The following DDX1 variants were observed in gnomAD, a reference collection of about 807,000 sequenced individuals.
DDX1 encodes ATP-dependent RNA helicase DDX1.
In DDX1, 28 loss-of-function variants were observed where a neutral mutation model predicts 108.7. The observed-to-expected ratio is 0.26, with a 90% CI of 0.19 to 0.35. DDX1 has a LOEUF of 0.35. DDX1 is among the 10% of genes least tolerant of loss of function. DDX1 has a pLI of 1.00. For synonymous variants in DDX1, 295 were observed against 288.9 expected (o/e 1.02, Z -0.21); for missense variants, 710 against 884.5 (o/e 0.80, Z 2.50).
chr2:15,593,383 A>G (rs1332825205), intron 1 of DDX1, among the ~76,000 whole-genome samples: 1 of 152,302 alleles, frequency 6.6e-6, no homozygotes, highest in East Asian at 1.9e-4. Context: ...AATTTCATGA[A>G]TGTTAGAGGT....
intron 16 of DDX1, among the ~76,000 whole-genome samples, chr2:15,619,595 CCT>C (rs1384036405): frequency 1.3e-5 from 2 of 152,172 alleles, no homozygotes; most frequent in Non-Finnish European, 2.9e-5. Context: ...TGTTTGGTCC[CCT>C]CTCATTAAAT....
chr2:15,607,437 A>T (rs1376088690), intron 13 of DDX1, 124 bp downstream of exon 13: 1 of 708,990 alleles, frequency 1.4e-6, no homozygotes, highest in African/African-American at 1.8e-5. Context: ...GTGTGTGAGT[A>T]TGTAAATATA....
chr2:15,612,600 G>C (rs886439642), intron 13 of DDX1, among the ~76,000 whole-genome samples: 8 of 151,800 alleles, frequency 5.3e-5, no homozygotes, highest in African/African-American at 1.7e-4. Context: ...CTTCCCAGAC[G>C]GGGTGGCGGC....
At chr2:15,598,597 A>G (rs1665537797) in intron 5 of DDX1, among the ~76,000 whole-genome samples, 1 of 152,212 alleles carries the variant, frequency 6.6e-6, no homozygotes, top group African/African-American at 2.4e-5. Flanking sequence ...AGTTTAGATG[A>G]AGATTTCTGT....
In DDX1 at chr2:15,606,328, A is replaced by G. The variant is rs920524339; in HGVS notation, c.817+64A>G. ...AGAATAATTGATGAGAACTCCAGTA[A>G]GTAAGGCGTCTCATAGTGAGTTACA... On this transcript the variant is annotated intron_variant, in intron 12 of 25. Coordinates refer to ENST00000233084, the MANE Select transcript of DDX1 (RefSeq NM_004939.3). The G allele has an allele frequency of 5.9e-6, 7 of 1,181,830 alleles. No homozygotes were observed. In the African/African-American group the frequency reaches 1.1e-4, roughly 18 times the overall value. 73.2% of individuals were successfully genotyped at this position (1,181,830 alleles called of 1,614,324 possible).
chr2:15,604,579 C>T (rs1000821826), intron 10 of DDX1, 70 bp downstream of exon 10: 1 of 1,032,030 alleles, frequency 9.7e-7, no homozygotes, highest in Non-Finnish European at 1.5e-6. Context: ...TTAAAAATCC[C>T]CCCACCCTGT....
chr2:15,600,723 TTTC>T (rs1008221924), intron 6 of DDX1, among the ~76,000 whole-genome samples: 15 of 151,734 alleles, frequency 9.9e-5, no homozygotes, highest in African/African-American at 3.6e-4. Flanking sequence ...GTATACTTTT[TTTC>T]TTATTTGCAT....
chr2:15,608,488 A>G (rs924306387), intron 13 of DDX1, among the ~76,000 whole-genome samples: 1 of 150,560 alleles, frequency 6.6e-6, no homozygotes, highest in Admixed American at 6.6e-5. Context: ...AGATTGCGCC[A>G]TTGCACTCCA....
intron 23 of DDX1, 126 bp from the exon 24 acceptor site, chr2:15,629,476 A>G (rs1558460688): frequency 4.6e-6 from 3 of 653,844 alleles, no homozygotes; most frequent in Non-Finnish European, 5.2e-6. Flanking sequence ...TGGATGATAT[A>G]TCATACCTAT....
Position 15,593,759 on chromosome 2 carries a change from GC to G in DDX1, c.17-1385del, listed in dbSNP as rs142268850. Among the ~76,000 whole-genome samples, 269 of 151,904 alleles carry G rather than the reference GC, an allele frequency of 1.8e-3. 1 individual carries two copies. Among genetic ancestry groups the G allele is most frequent in the African/African-American group, 6.3e-3 (262 of 41,452 alleles). On this transcript the variant is annotated intron_variant, in intron 1 of 25. Coordinates refer to ENST00000233084, the MANE Select transcript of DDX1 (RefSeq NM_004939.3). ...TTAGATCTTCATTAGTTTATCTGTG[GC>G]TTTTTTTTTTCCTGAGATTAAGAGC...
At chr2:15,607,942 A>G (rs529937471) in intron 13 of DDX1, among the ~76,000 whole-genome samples, 31 of 152,234 alleles carry the variant, frequency 2.0e-4, no homozygotes, top group Admixed American at 1.5e-3. Flanking sequence ...CTCTATTTCT[A>G]GCATGTTAGT....
intron 4 of DDX1, 22 bp from the exon 5 acceptor site, chr2:15,597,353 A>C: frequency 9.0e-6 from 13 of 1,452,388 alleles, no homozygotes; most frequent in Non-Finnish European, 1.2e-5. Context: ...ACTAATATAG[A>C]TACCTTTTGT....
intron 13 of DDX1, 126 bp from the exon 14 acceptor site, chr2:15,613,098 A>G: frequency 1.6e-6 from 1 of 641,134 alleles, no homozygotes; most frequent in Middle Eastern, 4.5e-4. Flanking sequence ...GTTTTATTGT[A>G]GGCTTTTTTC....
In DDX1 at chr2:15,611,508, A is replaced by G. The variant is rs1397549262; in HGVS notation, c.957-1716A>G. ...TCCCGGACGGGGCGGCTGGCCGGGC[A>G]GGGGGCTGACCCCCCCACCTCCCTC... On this transcript the variant is annotated intron_variant, in intron 13 of 25. Coordinates refer to ENST00000233084, the MANE Select transcript of DDX1 (RefSeq NM_004939.3). Among the ~76,000 whole-genome samples, 683 of 109,286 alleles carry G rather than the reference A, an allele frequency of 6.2e-3. 1 individual carries two copies. The highest frequency in any genetic ancestry group is 0.044 in the East Asian group (88 of 1,994). 71.7% of individuals were successfully genotyped at this position (109,286 alleles called of 152,430 possible).
In DDX1 at chr2:15,611,416, G is replaced by T. The variant is rs577307996; in HGVS notation, c.957-1808G>T. 1.5e-3 allele frequency among the ~76,000 whole-genome samples: 227 copies of T among 150,156 alleles called. 2 individuals carry two copies. Among genetic ancestry groups the T allele is most frequent in the African/African-American group, 4.7e-3 (189 of 40,278 alleles). ...GCTGCCGGGCACACCTCCCAGACGG[G>T]GTGGTGGCCGGGCAGAGGGGCTCCT... On this transcript the variant is annotated intron_variant, in intron 13 of 25. Coordinates refer to ENST00000233084, the MANE Select transcript of DDX1 (RefSeq NM_004939.3).
At chr2:15,602,793 A>T (rs1665607915) in intron 7 of DDX1, among the ~76,000 whole-genome samples, 162 bp downstream of exon 7, 1 of 152,124 alleles carries the variant, frequency 6.6e-6, no homozygotes, top group Admixed American at 6.5e-5. Context: ...GGCTCACTGC[A>T]ACCTCCACCT....
At position 15,620,250 on chromosome 2, in the gene DDX1, A is replaced by C. The variant is rs1388954268; in HGVS notation, c.1249A>C (p.Lys417Gln). 1 of 1,614,110 alleles carries C rather than the reference A, an allele frequency of 6.2e-7. No homozygotes were observed. Among genetic ancestry groups the C allele is most frequent in the Admixed American group, 1.7e-5 (1 of 60,004 alleles). ...CACTTTGCATTCTTTCGATGTAAAGAAACTGTCCGAGAAGATAATGCATTT... is the reference window on the plus strand; with the variant it reads ...CACTTTGCATTCTTTCGATGTAAAGCAACTGTCCGAGAAGATAATGCATTT... ...SATLHSFDVK[K>Q]LSEKIMHFPT... The change falls in exon 17 of 26, where the codon AAA becomes CAA. Residue 417 changes from lysine (K) to glutamine (Q), a missense_variant. This residue lies in a region of DDX1 where 661 missense variants were observed against 810.2 expected (regional missense o/e 0.82). Coordinates refer to ENST00000233084, the MANE Select transcript of DDX1 (RefSeq NM_004939.3).
At chr2:15,620,502 G>C in intron 17 of DDX1, 106 bp downstream of exon 17, 10 of 816,834 alleles carry the variant, frequency 1.2e-5, no homozygotes, top group Non-Finnish European at 1.7e-5. Context: ...TTGTATCAAA[G>C]AAAAGTCCAA....
chr2:15,628,941 C>G, intron 23 of DDX1, 102 bp downstream of exon 23: 7 of 1,091,576 alleles, frequency 6.4e-6, no homozygotes, highest in Non-Finnish European at 9.8e-6. Flanking sequence ...AATTCAGCTG[C>G]GTATGGAATA....
Sources: gnomAD v4.1 joint callset for allele counts (sites outside exome capture counted in the v4.1 genomes callset) on GRCh38, gnomAD v4.1.1 for gene constraint, gnomAD v4.1.1 regional missense constraint, MANE v1.5 for transcripts, NCBI Gene and HGNC (gene_info 2026-07-23, HGNC 2026-07-21) for gene names.